Variants in KCNH5 observed in about 807,000 individuals in gnomAD.
KCNH5 encodes potassium voltage-gated channel subfamily H member 5, also known as voltage-gated delayed rectifier potassium channel KCNH5.
Under a neutral mutation model 96.1 loss-of-function variants are expected in KCNH5, and 46 were observed. The ratio of observed to expected loss-of-function variants is 0.48; its 90% CI spans 0.38 to 0.61. KCNH5 has a LOEUF of 0.61. Ranked by LOEUF, KCNH5 falls within the 20% of genes least tolerant of loss-of-function variation. The pLI, the probability that KCNH5 is intolerant of heterozygous loss-of-function variation, is 0.00. For missense variants in KCNH5, 907 were observed against 1,225.8 expected, an observed-to-expected ratio of 0.74 and a Z score of 3.88; for synonymous variants, 439 against 449.8, an observed-to-expected ratio of 0.98 and a Z score of 0.30.
At chr14:62,777,427 G>GT (rs1886120879) in intron 10 of KCNH5, among the ~76,000 whole-genome samples, 1 of 152,180 alleles carries the variant, frequency 6.6e-6, no homozygotes, top group Non-Finnish European at 1.5e-5. Context: ...GATATTATAT[G>GT]TAAACTATGT....
At chr14:62,907,119 C>T (rs1889044158) in intron 7 of KCNH5, among the ~76,000 whole-genome samples, 1 of 152,166 alleles carries the variant, frequency 6.6e-6, no homozygotes, top group Non-Finnish European at 1.5e-5. Flanking sequence ...ACAGTCTTCT[C>T]TCCTTAATTC....
intron 7 of KCNH5, among the ~76,000 whole-genome samples, chr14:62,909,536 C>T (rs933207384): frequency 2.4e-4 from 37 of 152,182 alleles, no homozygotes; most frequent in African/African-American, 8.9e-4. Flanking sequence ...CTCTCTCTCT[C>T]TTCCTCTCAC....
intron 8 of KCNH5, among the ~76,000 whole-genome samples, chr14:62,837,652 G>C (rs889194497): frequency 3.9e-5 from 6 of 152,294 alleles, no homozygotes; most frequent in East Asian, 1.9e-4. Flanking sequence ...AGTTTTGTTT[G>C]CTTCCCTGTT....
At chr14:62,746,729 CA>C (rs1287970729) in intron 10 of KCNH5, among the ~76,000 whole-genome samples, 1 of 152,134 alleles carries the variant, frequency 6.6e-6, no homozygotes, top group Non-Finnish European at 1.5e-5. Context: ...TATGAAATGT[CA>C]AACATGAATA....
chr14:62,863,054 G>T (rs10135128), intron 7 of KCNH5, among the ~76,000 whole-genome samples: 16,224 of 152,110 alleles, frequency 0.11, 1,103 homozygotes, highest in East Asian at 0.27. Context: ...CCCGGGTCAA[G>T]AAATTTTTCT....
chr14:62,877,444 A>G (rs1279813780), intron 7 of KCNH5, among the ~76,000 whole-genome samples: 1 of 152,182 alleles, frequency 6.6e-6, no homozygotes, highest in East Asian at 1.9e-4. Context: ...CAACCTACTC[A>G]TGTGACAAAG....
intron 7 of KCNH5, among the ~76,000 whole-genome samples, chr14:62,892,554 T>A (rs1288310834): frequency 1.3e-5 from 2 of 152,188 alleles, no homozygotes; most frequent in African/African-American, 4.8e-5. Flanking sequence ...ACAACAAATT[T>A]TCAATGTAAA....
chr14:62,872,536 A>G (rs953744350), intron 7 of KCNH5, among the ~76,000 whole-genome samples: 3 of 151,856 alleles, frequency 2.0e-5, no homozygotes, highest in Admixed American at 6.6e-5. Context: ...TAAAAAGACC[A>G]AAAAAAATTA....
chr14:62,839,449 T>G (rs73274769), intron 8 of KCNH5, among the ~76,000 whole-genome samples: 466 of 152,308 alleles, frequency 3.1e-3, no homozygotes, highest in African/African-American at 0.011. Context: ...GACTCCCCTG[T>G]GCCATCTGTG....
At chr14:62,917,435 T>C (rs1248943328) in intron 7 of KCNH5, among the ~76,000 whole-genome samples, 1 of 151,838 alleles carries the variant, frequency 6.6e-6, no homozygotes, top group Non-Finnish European at 1.5e-5. Flanking sequence ...TGATAATTAA[T>C]GATGTGAATC....
intron 6 of KCNH5, among the ~76,000 whole-genome samples, chr14:62,976,916 T>C (rs1026653446): frequency 6.6e-6 from 1 of 152,200 alleles, no homozygotes; most frequent in African/African-American, 2.4e-5. Context: ...GAGATTTAGA[T>C]AATTGTCAGA....
chr14:62,831,887 A>AT (rs1555359026), intron 8 of KCNH5, among the ~76,000 whole-genome samples: 1 of 151,482 alleles, frequency 6.6e-6, no homozygotes, highest in Non-Finnish European at 1.5e-5. Flanking sequence ...TTTTTTTCTT[A>AT]TTTTTTGTAG....
intron 4 of KCNH5, among the ~76,000 whole-genome samples, chr14:62,987,827 C>T (rs1466716081): frequency 2.0e-5 from 3 of 152,122 alleles, no homozygotes; most frequent in African/African-American, 7.2e-5. Flanking sequence ...GTTACAGCAG[C>T]TAGTCTTACC....
intron 1 of KCNH5, among the ~76,000 whole-genome samples, chr14:63,024,053 A>G (rs1891478815): frequency 6.6e-6 from 1 of 152,034 alleles, no homozygotes; most frequent in East Asian, 1.9e-4. Context: ...ACTAAAAAAT[A>G]CAAAAATTAG....
chr14:63,024,544 C>T (rs1891490993), intron 1 of KCNH5, among the ~76,000 whole-genome samples: 1 of 151,690 alleles, frequency 6.6e-6, no homozygotes, highest in South Asian at 2.1e-4. Context: ...TTTAGCTATA[C>T]TAAGGAAAGA....
At chr14:62,759,193 T>G (rs1885691832) in intron 10 of KCNH5, among the ~76,000 whole-genome samples, 1 of 151,914 alleles carries the variant, frequency 6.6e-6, no homozygotes, top group South Asian at 2.1e-4. Context: ...CTTATTTTGG[T>G]AAGATATTAA....
At position 62,802,361 on chromosome 14, in the gene KCNH5, A is replaced by T; in HGVS notation, c.1790T>A (p.Val597Asp). The change falls in exon 9 of 11, where the codon GTC becomes GAC. Residue 597 changes from valine to aspartate, a missense_variant. Coordinates refer to ENST00000322893, the MANE Select transcript of KCNH5 (RefSeq NM_139318.5). ...AGCCACCACCTCATCATCCTGGATG[A>T]CTTCCAAGGATCCTGACACCACAAA... ...LCFVVSGSLE[V>D]IQDDEVVAIL... is the part of the protein sequence containing the mutation. 6.2e-7 allele frequency: 1 copy of T among 1,614,082 alleles called. No individual in the cohort carries two copies.
intron 10 of KCNH5, among the ~76,000 whole-genome samples, chr14:62,710,193 G>A (rs1228673266): frequency 6.6e-6 from 1 of 152,114 alleles, no homozygotes; most frequent in Non-Finnish European, 1.5e-5. Context: ...CCCCTTCCAG[G>A]TAAGAGTACA....
chr14:62,780,354 A>G (rs919825454), intron 9 of KCNH5, among the ~76,000 whole-genome samples: 1 of 152,182 alleles, frequency 6.6e-6, no homozygotes, highest in Non-Finnish European at 1.5e-5. Context: ...CTGATCCAAC[A>G]TATATTAAAT....
Sources: gnomAD v4.1 joint callset for allele counts (sites outside exome capture counted in the v4.1 genomes callset) on GRCh38, gnomAD v4.1.1 for gene constraint, MANE v1.5 for transcripts, NCBI Gene and HGNC (gene_info 2026-07-23, HGNC 2026-07-21) for gene names.